Variants in SRSF5 observed in about 807,000 individuals in gnomAD.
The protein encoded by SRSF5 is serine/arginine-rich splicing factor 5.
SRSF5 carries 5 observed loss-of-function variants against 34.0 expected under a neutral mutation model. That is an observed-to-expected ratio of 0.15 (90% confidence interval 0.08 to 0.31). The LOEUF (loss-of-function observed/expected upper bound fraction) is 0.31. Among genes scored for constraint, SRSF5 ranks in the 10% least tolerant of loss-of-function variants. SRSF5 has a pLI of 1.00. For synonymous variants in SRSF5, 164 were observed against 117.7 expected (o/e 1.39, Z -2.55); for missense variants, 223 against 351.4 (o/e 0.63, Z 2.92).
intron 1 of SRSF5, chr14:69,767,530 T>G (rs1209499300): frequency 2.2e-6 from 1 of 455,774 alleles, no homozygotes; most frequent in Non-Finnish European, 4.4e-6. Flanking sequence ...CGTAGAATAG[T>G]GGGCCGGGAT....
rs1350597535 is a variant in SRSF5 at position 69,771,876 on chromosome 14, A to G, written c.*415A>G. 1 of 168,474 alleles carries G rather than the reference A, an allele frequency of 5.9e-6. No homozygotes were observed. The highest frequency in any genetic ancestry group is 1.3e-5 in the Non-Finnish European group (1 of 77,798). The allele number at this position is 168,474 out of a possible 1,614,324, so 10.4% of individuals were successfully genotyped here. On this transcript the variant is annotated 3_prime_UTR_variant, in exon 8 of 8. Transcript: ENST00000557154. ...CTTTGGACACTTAAAAGAGCTCTAA[A>G]TTTGCTTGTACATAAAGGCTTAATT...
At chr14:69,770,191 T>C in intron 5 of SRSF5, 4 of 1,122,106 alleles carry the variant, frequency 3.6e-6, no homozygotes, top group Non-Finnish European at 4.4e-6. Flanking sequence ...GTTTGTTTTT[T>C]TTTCTTTTGT....
chr14:69,770,971 A>C (rs2139696806), intron 6 of SRSF5, 24 bp from the exon 7 acceptor site: 1 of 1,595,082 alleles, frequency 6.3e-7, no homozygotes, highest in East Asian at 2.2e-5. Context: ...TATATACTTT[A>C]AAAGTGGCTG....
intron 5 of SRSF5, 165 bp downstream of exon 5, chr14:69,769,416 T>C: frequency 6.6e-7 from 1 of 1,515,948 alleles, no homozygotes; most frequent in Non-Finnish European, 8.8e-7. Flanking sequence ...TATTTTGAAC[T>C]TTAATATTAG....
chr14:69,767,368 C>T, intron 1 of SRSF5, 113 bp downstream of exon 1: 1 of 455,902 alleles, frequency 2.2e-6, no homozygotes, highest in South Asian at 1.5e-5. Context: ...CTAATGAGCG[C>T]AGTTGATTCG....
chr14:69,768,879 A>G lies in SRSF5; in HGVS notation c.279A>G (p.Arg93=). The G allele has an allele frequency of 6.2e-7, 1 of 1,614,160 alleles. No homozygotes were observed. Among genetic ancestry groups the G allele is most frequent in the Non-Finnish European group, 8.5e-7 (1 of 1,180,002 alleles). The change falls in exon 4 of 8, where the codon AGA becomes AGG. Residue 93 remains arginine, a synonymous_variant. Coordinates refer to ENST00000557154, the MANE Select transcript of SRSF5 (RefSeq NM_001320214.2). ...ACTCTGACCGTTTTAGTAGTCGCAG[A>G]CCTCGAAATGATAGACGGTATGTGA... ...GRYSDRFSSR[R]PRNDRRNAPP... is the part of the protein sequence containing the mutation.
intron 2 of SRSF5, 100 bp downstream of exon 2, chr14:69,768,382 A>G: frequency 1.3e-6 from 2 of 1,520,934 alleles, no homozygotes; most frequent in Admixed American, 3.6e-5. Flanking sequence ...TGCCTTCAGA[A>G]AATGTTACCC....
At chr14:69,768,736 T>C in intron 3 of SRSF5, 62 bp downstream of exon 3, 3 of 1,611,534 alleles carry the variant, frequency 1.9e-6, no homozygotes, top group Middle Eastern at 1.7e-4. Context: ...TGCTGGCATA[T>C]TTTTCTAAGT....
At chr14:69,769,407 A>G in intron 5 of SRSF5, 156 bp downstream of exon 5, 1 of 1,509,748 alleles carries the variant, frequency 6.6e-7, no homozygotes, top group Non-Finnish European at 8.9e-7. Context: ...TTTGGGGGAT[A>G]TTTTGAACTT....
In SRSF5 at chr14:69,771,287, A is replaced by AAGAAGC. The variant is rs775320407; in HGVS notation, c.648_653dup (p.Arg224_Ser225dup). On this transcript the variant is annotated inframe_insertion, in exon 8 of 8. Coordinates refer to ENST00000557154, the MANE Select transcript of SRSF5 (RefSeq NM_001320214.2). ...GTAGTCGCAAATCTTACAGCCGGTC[A>AAGAAGC]AGAAGCAGGAGCAGGAGCCGGAGCC... 2.5e-6 allele frequency: 4 copies of AAGAAGC among 1,614,014 alleles called. No homozygotes were observed. The highest frequency in any genetic ancestry group is 3.4e-6 in the Non-Finnish European group (4 of 1,179,998).
In SRSF5 at chr14:69,771,520, C is replaced by A. The variant is rs1883209647; in HGVS notation, c.*59C>A. On this transcript the variant is annotated 3_prime_UTR_variant, in exon 8 of 8. Transcript: ENST00000557154. ...AAAAAACAAAAACCACAAAAATTCC[C>A]AAACCATACTTGCTAAAAATTCTGG... is the stretch of plus-strand genomic sequence containing the variant. 1 of 1,556,734 alleles carries A rather than the reference C, an allele frequency of 6.4e-7. No homozygotes were observed. The highest frequency in any genetic ancestry group is 2.3e-5 in the East Asian group (1 of 43,640).
At chr14:69,770,841 A>G in intron 6 of SRSF5, 154 bp from the exon 7 acceptor site, 3 of 752,126 alleles carry the variant, frequency 4.0e-6, no homozygotes, top group Non-Finnish European at 6.5e-6. Flanking sequence ...AACAGTGCCA[A>G]AACTTTGCTC....
At chr14:69,768,554 T>C in intron 2 of SRSF5, 50 bp from the exon 3 acceptor site, 1 of 1,551,820 alleles carries the variant, frequency 6.4e-7, no homozygotes, top group Non-Finnish European at 8.9e-7. Flanking sequence ...TAATGTGTTG[T>C]AGAATACTCT....
intron 5 of SRSF5, chr14:69,769,527 G>C (rs1313585445): frequency 1.3e-6 from 2 of 1,535,318 alleles, no homozygotes; most frequent in South Asian, 1.2e-5. Context: ...TGTGTCGTTG[G>C]CCTTATGACG....
chr14:69,770,217 G>C (rs2139693425), intron 5 of SRSF5: 1 of 1,260,110 alleles, frequency 7.9e-7, no homozygotes, highest in African/African-American at 1.6e-5. Context: ...GCTCAGCATA[G>C]ACTAATACTA....
intron 7 of SRSF5, 28 bp from the exon 8 acceptor site, chr14:69,771,166 T>A: frequency 6.2e-7 from 1 of 1,613,900 alleles, no homozygotes; most frequent in Non-Finnish European, 8.5e-7. Flanking sequence ...GAGTCTTATC[T>A]AGGCTGATTT....
At chr14:69,768,072 T>C in intron 1 of SRSF5, 66 bp from the exon 2 acceptor site, 2 of 1,558,482 alleles carry the variant, frequency 1.3e-6, no homozygotes, top group East Asian at 2.2e-5. Flanking sequence ...ATGTTTTTGA[T>C]TGTTTAATCA....
intron 5 of SRSF5, chr14:69,769,704 C>T: frequency 2.1e-6 from 3 of 1,456,050 alleles, no homozygotes; most frequent in Non-Finnish European, 2.7e-6. Flanking sequence ...TGCAGCGATC[C>T]CAGAGCGTTG....
At chr14:69,767,477 T>C (rs1882606011) in intron 1 of SRSF5, 1 of 456,004 alleles carries the variant, frequency 2.2e-6, no homozygotes, top group Non-Finnish European at 4.4e-6. Context: ...ACAGCGGTTG[T>C]GCGCCCGTCC....
Sources: allele counts gnomAD v4.1 joint callset, GRCh38; gene constraint gnomAD v4.1.1; transcripts MANE v1.5; gene names NCBI Gene and HGNC (gene_info 2026-07-23, HGNC 2026-07-21).